PABIR3: variants seen among roughly 807,000 people sequenced by gnomAD.
PABIR3 encodes PABIR family member 1.
A neutral mutation model predicts 23.1 loss-of-function variants in PABIR3; 20 were observed. The observed-to-expected ratio is 0.86, with a 90% CI of 0.61 to 1.26. PABIR3 has a LOEUF of 1.26. PABIR3 is among the 50% of genes most tolerant of loss of function. PABIR3 has a pLI of 0.00. For missense variants in PABIR3, 189 were observed against 195.4 expected, an observed-to-expected ratio of 0.97 and a Z score of 0.20; for synonymous variants, 69 against 68.5, an observed-to-expected ratio of 1.01 and a Z score of -0.04.
At chrX:134,859,591 T>C (rs1319378228), downstream of PABIR3, among the ~76,000 whole-genome samples, 2 of 111,822 alleles carry the variant, frequency 1.8e-5, no homozygotes, top group African/African-American at 6.5e-5. Flanking sequence ...GGTATGTTTG[T>C]TTCAGAGAAG....
Position 134,810,284 on chromosome X carries a change from AT to A in PABIR3, c.110+2583del, listed in dbSNP as rs775355709. On this transcript the variant is annotated intron_variant, in intron 2 of 10. Transcript: ENST00000645433. ...CATACCTTGCTTTGTTCTGCAAAGG[AT>A]TTTTTTGTTTTGTTTGTTTGTTTTT... 1.9e-4 allele frequency: 144 copies of A among 752,712 alleles called. No homozygotes were observed. The African/African-American group carries it at 2.2e-3, about 12-fold the overall frequency. The allele number at this position is 752,712 out of a possible 1,213,427, so 62.0% of individuals were successfully genotyped here. A position where few individuals can be genotyped will look rare whatever the true frequency, so the allele number is the denominator to read the frequency against.
At chrX:134,805,074 A>G (rs2080171899), upstream of PABIR3, among the ~76,000 whole-genome samples, 1 of 112,933 alleles carries the variant, frequency 8.9e-6, no homozygotes, top group South Asian at 3.6e-4. Flanking sequence ...TAATTTCAGA[A>G]GTATTTATCA....
At position 134,847,938 on chromosome X, in the gene PABIR3, G is replaced by T. The variant is rs2082488892; in HGVS notation, c.494G>T (p.Ser165Ile). Residue 165 changes from serine to isoleucine, a missense_variant, in exon 8 of 11, where the codon AGT becomes ATT. Ser to Ile is a moderately radical substitution (Grantham distance 142). Transcript: ENST00000645433. ...GTGAGTTGCACTGGTTCGCCTTCAA[G>T]TCCTATTCCCAGTCCTATGCAACAA... Reference protein sequence around the residue: ...TCVSCTGSPSSPIPSPMQQYI... With the variant: ...TCVSCTGSPSIPIPSPMQQYI... The T allele has an allele frequency of 8.7e-7, 1 of 1,152,708 alleles. No individual in the cohort carries two copies. Among genetic ancestry groups the T allele is most frequent in the Non-Finnish European group, 1.1e-6 (1 of 871,645 alleles). 95.0% of individuals were successfully genotyped at this position (1,152,708 alleles called of 1,213,427 possible).
chrX:134,810,277 G>A (rs1307574358), intron 2 of PABIR3: 3 of 752,853 alleles, frequency 4.0e-6, no homozygotes, highest in Non-Finnish European at 4.7e-6. Flanking sequence ...GCTTTGTTCT[G>A]CAAAGGATTT....
intron 4 of PABIR3, among the ~76,000 whole-genome samples, chrX:134,840,821 A>G (rs1401338968): frequency 2.7e-5 from 3 of 110,217 alleles, no homozygotes; most frequent in Non-Finnish European, 5.7e-5. Context: ...TAGTCTCACT[A>G]TCTCCAAATC....
intron 4 of PABIR3, among the ~76,000 whole-genome samples, chrX:134,829,799 G>C (rs536448496): frequency 1.8e-5 from 2 of 111,379 alleles, no homozygotes; most frequent in Non-Finnish European, 3.8e-5. Flanking sequence ...TGGGTGGGTG[G>C]GTGTGCACTC....
In PABIR3 at chrX:134,854,283, C is replaced by T. The variant is rs1253593667; in HGVS notation, c.*66C>T. On this transcript the variant is annotated 3_prime_UTR_variant, in exon 11 of 11. Coordinates refer to ENST00000645433, the MANE Select transcript of PABIR3 (RefSeq NM_001388447.1). ...TTTCTCACCAGTGGAGAAACACACA[C>T]ATCAAGCAAACCAAGTCAGAGCAAT... 1.8e-6 allele frequency: 2 copies of T among 1,118,777 alleles called. No individual in the cohort carries two copies. Among genetic ancestry groups the T allele is most frequent in the South Asian group, 4.1e-5 (2 of 48,957 alleles). 92.2% of individuals were successfully genotyped at this position (1,118,777 alleles called of 1,213,427 possible).
intron 6 of PABIR3, 124 bp downstream of exon 6, chrX:134,845,525 C>A: frequency 1.7e-6 from 1 of 580,386 alleles, no homozygotes; most frequent in Non-Finnish European, 2.7e-6. Context: ...AAAATTGTAT[C>A]TGTTGCATAA....
chrX:134,839,835 C>T (rs1200197111), intron 4 of PABIR3, among the ~76,000 whole-genome samples: 4 of 112,037 alleles, frequency 3.6e-5, no homozygotes, highest in Admixed American at 2.8e-4. Context: ...CCCCTCTGCC[C>T]GGCCAGCCGC....
chrX:134,852,053 G>A (rs1301051478), intron 9 of PABIR3, among the ~76,000 whole-genome samples: 3 of 112,391 alleles, frequency 2.7e-5, no homozygotes, highest in South Asian at 3.6e-4. Context: ...TTCATTGTGT[G>A]CTGTAAAAGA....
intron 2 of PABIR3, among the ~76,000 whole-genome samples, chrX:134,813,002 G>T (rs765638327): frequency 1.2e-4 from 13 of 111,457 alleles, no homozygotes; most frequent in Non-Finnish European, 2.3e-4. Flanking sequence ...TCTTTCCTGG[G>T]CAGGACTGTA....
chrX:134,809,462 G>A, intron 2 of PABIR3: 2 of 751,966 alleles, frequency 2.7e-6, no homozygotes, highest in Non-Finnish European at 3.1e-6. Flanking sequence ...ACTGCGCCTG[G>A]CCTAAATCTT....
At chrX:134,821,585 C>G (rs1410063679) in intron 3 of PABIR3, 2 of 1,143,333 alleles carry the variant, frequency 1.7e-6, no homozygotes, top group Non-Finnish European at 2.3e-6. Context: ...AAAGGTTGTG[C>G]TTTTCTTGAG....
chrX:134,801,035 C>T (rs2080054117), intron 1 of PABIR3, among the ~76,000 whole-genome samples: 2 of 112,271 alleles, frequency 1.8e-5, no homozygotes, highest in South Asian at 3.6e-4. Context: ...TGAACCCAGG[C>T]GCCATTGTGA....
At chrX:134,853,672 T>C (rs2148374898) in intron 10 of PABIR3, among the ~76,000 whole-genome samples, 1 of 108,532 alleles carries the variant, frequency 9.2e-6, no homozygotes, top group African/African-American at 3.4e-5. Context: ...CAGGCTGGAG[T>C]GCAGTGGCAC....
intron 2 of PABIR3, among the ~76,000 whole-genome samples, chrX:134,808,641 A>T (rs1282706929): frequency 8.9e-6 from 1 of 111,837 alleles, no homozygotes; most frequent in Non-Finnish European, 1.9e-5. Context: ...CGGCCTCCCA[A>T]AGTGCTGGGA....
chrX:134,800,108 G>A (rs1273735627), intron 1 of PABIR3, among the ~76,000 whole-genome samples: 1 of 109,421 alleles, frequency 9.1e-6, no homozygotes, highest in African/African-American at 3.3e-5. Flanking sequence ...AGACCAGCCT[G>A]GCCAACATGG....
chrX:134,799,107 G>GT (rs1279975110), intron 1 of PABIR3, among the ~76,000 whole-genome samples: 182 of 105,768 alleles, frequency 1.7e-3, no homozygotes, highest in Admixed American at 3.2e-3. Flanking sequence ...AGCGTGAAAA[G>GT]TTTTTTTTTT....
downstream of PABIR3, among the ~76,000 whole-genome samples, chrX:134,857,427 A>G (rs192486640): frequency 1.8e-5 from 2 of 111,310 alleles, no homozygotes; most frequent in African/African-American, 6.5e-5. Flanking sequence ...ATCCAATATG[A>G]CCTCATCTTA....
Sources: allele counts gnomAD v4.1 joint callset (sites outside exome capture counted in the v4.1 genomes callset), GRCh38; gene constraint gnomAD v4.1.1; transcripts MANE v1.5; gene names NCBI Gene and HGNC (gene_info 2026-07-23, HGNC 2026-07-21).